Variants in ATG10 observed in about 807,000 individuals in gnomAD.
The protein encoded by ATG10 is ubiquitin-like-conjugating enzyme ATG10.
Under a neutral mutation model 32.1 loss-of-function variants are expected in ATG10, and 30 were observed. That is an observed-to-expected ratio of 0.94 (90% CI 0.70 to 1.27). The LOEUF (loss-of-function observed/expected upper bound fraction) is 1.27, where lower values mean the gene tolerates loss of function less well. Among genes scored for constraint, ATG10 ranks in the 50% most tolerant of loss-of-function variants. The pLI is 0.00. For synonymous variants in ATG10, 87 were observed against 91.5 expected (o/e 0.95, Z 0.28); for missense variants, 233 against 262.3 (o/e 0.89, Z 0.77).
chr5:82,219,049 A>G (rs78574510), intron 5 of ATG10, among the ~76,000 whole-genome samples: 1,717 of 152,342 alleles, frequency 0.011, 15 homozygotes, highest in Non-Finnish European at 0.017. Flanking sequence ...GTAATATCTT[A>G]CTTAAAAATT....
Position 81,987,417 on chromosome 5 carries a change from G to A in ATG10, c.-12-142G>A, listed in dbSNP as rs180845578. The A allele has an allele frequency of 6.0e-5, 34 of 570,700 alleles. No homozygotes were observed. In the Middle Eastern group the frequency reaches 3.4e-3, roughly 57 times the overall value. The allele number at this position is 570,700 out of a possible 1,614,324, so 35.4% of individuals were successfully genotyped here. ...TGGGATTACAGATGTGAGCCACCACGCCTGGCCAAAACCATTTTTTAGTGG... is the reference window on the plus strand; with the variant it reads ...TGGGATTACAGATGTGAGCCACCACACCTGGCCAAAACCATTTTTTAGTGG... On this transcript the variant is annotated intron_variant, in intron 1 of 7. Transcript: ENST00000282185.
Position 82,255,806 on chromosome 5 carries a change from A to C in ATG10, c.*1743A>C, listed in dbSNP as rs1047173730. 2 of 152,256 alleles carry C rather than the reference A, an allele frequency of 1.3e-5. No individual in the cohort carries two copies. Among genetic ancestry groups the C allele is most frequent in the African/African-American group, 4.8e-5 (2 of 41,452 alleles). The allele number at this position is 152,256 out of a possible 1,614,324, so 9.4% of individuals were successfully genotyped here. ...AGGTGAGGACATCATTCACCAGTGG[A>C]TCACCGAGCACCGTGACAGCACCCT... On this transcript the variant is annotated 3_prime_UTR_variant, in exon 8 of 8. Transcript: ENST00000282185.
chr5:82,040,910 T>C (rs1051218415), intron 2 of ATG10, among the ~76,000 whole-genome samples: 1 of 152,334 alleles, frequency 6.6e-6, no homozygotes, highest in East Asian at 1.9e-4. Flanking sequence ...CCACAGGACC[T>C]TTGCAAAGTT....
chr5:82,012,219 G>A lies in ATG10; in HGVS notation c.108+24541G>A, dbSNP rs868259130. On this transcript the variant is annotated intron_variant, in intron 2 of 7. Coordinates refer to ENST00000282185, the MANE Select transcript of ATG10 (RefSeq NM_031482.5). ...AATTTCAACAGTTTTTCATGAATAA[G>A]TGCTTCTTAATATGTTATTTGCCTT... is the stretch of plus-strand genomic sequence containing the variant. 4.6e-5 allele frequency among the ~76,000 whole-genome samples: 7 copies of A among 152,286 alleles called. No individual in the cohort carries two copies. The South Asian group carries it at 1.5e-3, about 32-fold the overall frequency.
At chr5:82,221,351 G>T (rs555633454) in intron 5 of ATG10, among the ~76,000 whole-genome samples, 1 of 152,084 alleles carries the variant, frequency 6.6e-6, no homozygotes, top group Non-Finnish European at 1.5e-5. Context: ...ATTCATAAGT[G>T]GTTTGTAACC....
At chr5:81,976,468 A>G (rs1317996864) in intron 1 of ATG10, 1 of 152,236 alleles carries the variant, frequency 6.6e-6, no homozygotes, top group African/African-American at 2.4e-5. Flanking sequence ...CTGGGTTCCT[A>G]CATAAACAGA....
intron 5 of ATG10, among the ~76,000 whole-genome samples, chr5:82,224,189 G>C (rs1270925611): frequency 6.6e-6 from 1 of 152,174 alleles, no homozygotes; most frequent in Non-Finnish European, 1.5e-5. Context: ...ACTCTTTTCT[G>C]TGATTAGGGG....
At chr5:82,177,683 A>G (rs770766924) in intron 4 of ATG10, among the ~76,000 whole-genome samples, 5 of 152,140 alleles carry the variant, frequency 3.3e-5, no homozygotes, top group African/African-American at 4.8e-5. Context: ...TACCTTGTGT[A>G]TAATGTAAGT....
At chr5:82,093,665 T>C (rs762890150) in intron 3 of ATG10, among the ~76,000 whole-genome samples, 2 of 152,206 alleles carry the variant, frequency 1.3e-5, no homozygotes, top group African/African-American at 2.4e-5. Flanking sequence ...TCTTTGCATG[T>C]ATGGTAATTT....
chr5:82,083,628 G>A (rs1764563275), intron 3 of ATG10, among the ~76,000 whole-genome samples: 2 of 152,118 alleles, frequency 1.3e-5, no homozygotes. Flanking sequence ...CCTCTGACAC[G>A]AAGCTTCCAG....
At chr5:82,212,297 GCTCCCTCC>G (rs1046103878) in intron 5 of ATG10, among the ~76,000 whole-genome samples, 11 of 152,146 alleles carry the variant, frequency 7.2e-5, no homozygotes, top group Admixed American at 2.0e-4. Context: ...TCCACTGCCA[GCTCCCTCC>G]CTTGTGCTCT....
chr5:82,202,509 G>GTATCTA (rs1745107101), intron 5 of ATG10, among the ~76,000 whole-genome samples: 1 of 152,172 alleles, frequency 6.6e-6, no homozygotes, highest in Non-Finnish European at 1.5e-5. Context: ...TTCTTTACCT[G>GTATCTA]TATCTATACA....
rs377550009 is a variant in ATG10, at chr5:82,094,106, C to T, written c.216+35504C>T. Among the ~76,000 whole-genome samples the T allele has an allele frequency of 6.2e-4, 94 of 152,186 alleles. 1 individual carries two copies. Among genetic ancestry groups the T allele is most frequent in the African/African-American group, 2.2e-3 (92 of 41,492 alleles). The stretch of plus-strand genomic sequence containing the variant: ...GCTCTCTCCAGTTTCAGCACCTCAT[C>T]GCGGGAAGCCTTATGGACTTTGCCT... On this transcript the variant is annotated intron_variant, in intron 3 of 7. Transcript: ENST00000282185.
At chr5:82,187,016 T>C (rs1744472854) in intron 5 of ATG10, among the ~76,000 whole-genome samples, 1 of 152,112 alleles carries the variant, frequency 6.6e-6, no homozygotes, top group Non-Finnish European at 1.5e-5. Context: ...TTAAGAAATA[T>C]ATGAAGAATG....
chr5:81,993,369 T>TTTCTTTCTTTC (rs1554039351), intron 2 of ATG10, among the ~76,000 whole-genome samples: 2 of 38,048 alleles, frequency 5.3e-5, no homozygotes, highest in African/African-American at 2.5e-4. Flanking sequence ...CCTTCTTTTC[T>TTTCTTTCTTTC]TTTCTTTTCT....
chr5:81,993,360 C>CTTTCTTTCTTTTCTTTTCTT, intron 2 of ATG10, among the ~76,000 whole-genome samples: 1 of 46,772 alleles, frequency 2.1e-5, no homozygotes, highest in Non-Finnish European at 4.0e-5. Flanking sequence ...TCTTTCTTTC[C>CTTTCTTTCTTTTCTTTTCTT]TTCTTTTCTT....
chr5:82,196,563 G>A (rs1329511380), intron 5 of ATG10, among the ~76,000 whole-genome samples: 1 of 152,098 alleles, frequency 6.6e-6, no homozygotes, highest in Admixed American at 6.6e-5. Flanking sequence ...TTTGTATGTA[G>A]CAATGAGGTA....
At chr5:82,049,886 A>G (rs1446783224) in intron 2 of ATG10, among the ~76,000 whole-genome samples, 4 of 152,200 alleles carry the variant, frequency 2.6e-5, no homozygotes, top group Non-Finnish European at 5.9e-5. Flanking sequence ...CAGTCTCCCT[A>G]GTGAACTGTT....
chr5:82,239,849 T>C (rs1322301025), intron 5 of ATG10, among the ~76,000 whole-genome samples: 1 of 151,886 alleles, frequency 6.6e-6, no homozygotes, highest in Admixed American at 6.6e-5. Flanking sequence ...ATTTAAAAAA[T>C]GGGTAAAAGA....
Sources: gnomAD v4.1 joint callset for allele counts (sites outside exome capture counted in the v4.1 genomes callset) on GRCh38, gnomAD v4.1.1 for gene constraint, MANE v1.5 for transcripts, NCBI Gene and HGNC (gene_info 2026-07-23, HGNC 2026-07-21) for gene names.